Variants in AOPEP observed in about 807,000 individuals in gnomAD.
The protein encoded by AOPEP is aminopeptidase O (putative).
Under a neutral mutation model 98.1 loss-of-function variants are expected in AOPEP, and 77 were observed. That is an observed-to-expected ratio of 0.78 (90% CI 0.65 to 0.95). AOPEP has a LOEUF of 0.95. AOPEP is among the 40% of genes least tolerant of loss of function. The pLI, the probability that AOPEP is intolerant of heterozygous loss-of-function variation, is 0.00. For missense variants in AOPEP, 1,024 were observed against 1,024.7 expected (o/e 1.00, Z 0.01); for synonymous variants, 346 against 365.3 (o/e 0.95, Z 0.60).
intron 13 of AOPEP, among the ~76,000 whole-genome samples, chr9:95,051,954 C>G (rs769166469): frequency 6.6e-6 from 1 of 152,178 alleles, no homozygotes; most frequent in Non-Finnish European, 1.5e-5. Context: ...CTGCCCACCT[C>G]GGCCTCCCAA....
Position 94,743,202 on chromosome 9 carries a change from G to A in AOPEP, c.-135-16447G>A, listed in dbSNP as rs10821389. On this transcript the variant is annotated intron_variant, in intron 1 of 16. Transcript: ENST00000375315. ...AAGAAGAAGAAGAAGAAGAAGAAGA[G>A]GAAGAAGAGGAAGAAGAGGAAGAAG... Among the ~76,000 whole-genome samples the A allele has an allele frequency of 5.0e-4, 56 of 112,848 alleles. No homozygotes were observed. In the East Asian group the frequency reaches 0.014, roughly 28 times the overall value. The allele number at this position is 112,848 out of a possible 152,430, so 74.0% of individuals were successfully genotyped here.
At chr9:95,016,267 A>G (rs1403321251) in intron 13 of AOPEP, among the ~76,000 whole-genome samples, 2 of 125,174 alleles carry the variant, frequency 1.6e-5, no homozygotes, top group Non-Finnish European at 3.3e-5. Context: ...TTTTTTTTGA[A>G]ACGTATTCTC....
chr9:94,767,446 C>G (rs972050624), intron 2 of AOPEP, among the ~76,000 whole-genome samples: 1 of 152,152 alleles, frequency 6.6e-6, no homozygotes, highest in African/African-American at 2.4e-5. Flanking sequence ...TCGCAGTGCC[C>G]CGTATCACCA....
intron 14 of AOPEP, among the ~76,000 whole-genome samples, chr9:95,063,742 G>A (rs1264502549): frequency 2.6e-5 from 4 of 152,182 alleles, no homozygotes; most frequent in Admixed American, 2.0e-4. Context: ...CTCCGAGATT[G>A]GATTGGAGCA....
intron 7 of AOPEP, among the ~76,000 whole-genome samples, chr9:94,929,804 T>C (rs906120932): frequency 1.3e-5 from 2 of 152,200 alleles, no homozygotes; most frequent in African/African-American, 4.8e-5. Flanking sequence ...AGCAGACTGC[T>C]CGGTGATGTC....
At position 94,928,456 on chromosome 9, in the gene AOPEP, A is replaced by T. The variant is rs1454080480; in HGVS notation, c.1586A>T (p.Glu529Val). The T allele has an allele frequency of 3.2e-6, 5 of 1,549,566 alleles. No individual in the cohort carries two copies. The East Asian group carries it at 9.8e-5, about 30-fold the overall frequency. ...LAPYEAREQQ[E>V]LRACLRWRRL... Reference sequence around the variant, plus strand: ...CCCTATGAGGCCCGGGAGCAGCAGGAGCTGAGGGCTTGTCTGCGCTGGCGT... The same window carrying T: ...CCCTATGAGGCCCGGGAGCAGCAGGTGCTGAGGGCTTGTCTGCGCTGGCGT... Residue 529 changes from glutamate (E) to valine (V), a missense_variant, in exon 7 of 17, where the codon GAG becomes GTG. Physicochemically the swap from Glu to Val is moderately radical, Grantham distance 121. Transcript: ENST00000375315.
intron 9 of AOPEP, among the ~76,000 whole-genome samples, chr9:94,958,837 C>T (rs1354736669): frequency 6.6e-6 from 1 of 152,030 alleles, no homozygotes; most frequent in East Asian, 1.9e-4. Context: ...TGTTTTTACT[C>T]TCTTGATGGT....
At chr9:94,946,204 G>T (rs1224135947) in intron 7 of AOPEP, among the ~76,000 whole-genome samples, 1 of 152,140 alleles carries the variant, frequency 6.6e-6, no homozygotes, top group Non-Finnish European at 1.5e-5. Context: ...CACACTTGAT[G>T]CTGATTTAGC....
At chr9:94,910,939 A>T (rs1249325879) in intron 5 of AOPEP, among the ~76,000 whole-genome samples, 1 of 152,214 alleles carries the variant, frequency 6.6e-6, no homozygotes, top group African/African-American at 2.4e-5. Context: ...TTACCTAATA[A>T]GCATCCTGGG....
At chr9:94,794,169 A>T (rs1334898647) in intron 4 of AOPEP, among the ~76,000 whole-genome samples, 2 of 152,194 alleles carry the variant, frequency 1.3e-5, no homozygotes, top group Non-Finnish European at 2.9e-5. Context: ...ACTATAGGCC[A>T]TTGGATATTT....
intron 4 of AOPEP, among the ~76,000 whole-genome samples, chr9:94,796,312 A>T (rs776250248): frequency 3.9e-5 from 6 of 152,192 alleles, no homozygotes; most frequent in Non-Finnish European, 8.8e-5. Flanking sequence ...TATGCTGCTG[A>T]TAAAATCATA....
intron 5 of AOPEP, among the ~76,000 whole-genome samples, chr9:94,837,758 C>T (rs1323581674): frequency 3.3e-5 from 5 of 152,024 alleles, no homozygotes; most frequent in Non-Finnish European, 7.4e-5. Context: ...AGGGACATAC[C>T]CCAATGTAAA....
At chr9:94,727,984 A>G (rs1829599778) in intron 1 of AOPEP, among the ~76,000 whole-genome samples, 1 of 152,240 alleles carries the variant, frequency 6.6e-6, no homozygotes, top group Non-Finnish European at 1.5e-5. Flanking sequence ...AAAAATTCAC[A>G]GTTAACTAAA....
chr9:95,079,432 T>C (rs2069466107), intron 14 of AOPEP, among the ~76,000 whole-genome samples: 1 of 152,254 alleles, frequency 6.6e-6, no homozygotes, highest in African/African-American at 2.4e-5. Context: ...GAGGCTCTTC[T>C]AAAATGCACA....
intron 13 of AOPEP, among the ~76,000 whole-genome samples, chr9:95,043,690 A>G (rs757443953): frequency 2.0e-5 from 3 of 151,998 alleles, no homozygotes; most frequent in Non-Finnish European, 2.9e-5. Context: ...TTGAGACAGG[A>G]TCTCAGTTTG....
At chr9:95,060,201 TTCAG>T (rs1370130529) in intron 13 of AOPEP, among the ~76,000 whole-genome samples, 2 of 152,234 alleles carry the variant, frequency 1.3e-5, no homozygotes, top group African/African-American at 4.8e-5. Context: ...ACACAGTTCT[TTCAG>T]TATGTGCTCT....
chr9:94,892,844 G>C (rs1485656428), intron 5 of AOPEP, among the ~76,000 whole-genome samples: 1 of 152,152 alleles, frequency 6.6e-6, no homozygotes, highest in Non-Finnish European at 1.5e-5. Flanking sequence ...CTGTCAAGTA[G>C]GTAGGACTAG....
intron 5 of AOPEP, among the ~76,000 whole-genome samples, chr9:94,822,478 A>G (rs574638407): frequency 2.6e-5 from 4 of 152,348 alleles, no homozygotes; most frequent in Admixed American, 2.6e-4. Flanking sequence ...TTCCAACAGC[A>G]GAGTATCTGA....
At chr9:94,902,998 G>T (rs75811707) in intron 5 of AOPEP, among the ~76,000 whole-genome samples, 16,731 of 148,510 alleles carry the variant, frequency 0.11, 1,270 homozygotes, top group East Asian at 0.26. Flanking sequence ...TTTTTTTTTT[G>T]AAGACAGAGT....
Sources: allele counts gnomAD v4.1 joint callset (sites outside exome capture counted in the v4.1 genomes callset), GRCh38; gene constraint gnomAD v4.1.1; transcripts MANE v1.5; gene names NCBI Gene and HGNC (gene_info 2026-07-23, HGNC 2026-07-21).